Variants in CLCN4 observed in about 807,000 individuals in gnomAD.
The protein encoded by CLCN4 is Cl-/H+ antiporter 4, also known as H(+)/Cl(-) exchange transporter 4.
A neutral mutation model predicts 41.7 loss-of-function variants in CLCN4; 1 was observed. That is an observed-to-expected ratio of 0.02 (90% CI 0.01 to 0.11). CLCN4 has a LOEUF of 0.11. CLCN4 is among the 10% of genes least tolerant of loss of function. CLCN4 has a pLI of 1.00. For missense variants in CLCN4, 287 were observed against 661.0 expected, an observed-to-expected ratio of 0.43 and a Z score of 6.20; for synonymous variants, 277 against 285.8, an observed-to-expected ratio of 0.97 and a Z score of 0.31.
At chrX:10,164,640 A>G (rs182794190) in intron 2 of CLCN4, among the ~76,000 whole-genome samples, 29 of 111,683 alleles carry the variant, frequency 2.6e-4, no homozygotes, top group Middle Eastern at 4.6e-3. Flanking sequence ...CTTTAGCAGC[A>G]ATGTTGTCCT....
chrX:10,210,534 A>G (rs1315250847), intron 9 of CLCN4, among the ~76,000 whole-genome samples: 3 of 111,169 alleles, frequency 2.7e-5, no homozygotes, highest in African/African-American at 9.8e-5. Flanking sequence ...ATAGAGACCA[A>G]GCTCCCTATG....
At chrX:10,202,638 CAAAAAAAAAAAA>C (rs759089094) in intron 6 of CLCN4, among the ~76,000 whole-genome samples, 14 of 19,645 alleles carry the variant, frequency 7.1e-4, no homozygotes, top group Middle Eastern at 0.043. Flanking sequence ...GACCCTGCCT[CAAAAAAAAAAAA>C]AAAAAAAAAA....
intron 11 of CLCN4, among the ~76,000 whole-genome samples, chrX:10,214,294 C>A (rs989681295): frequency 1.8e-5 from 2 of 112,569 alleles, no homozygotes; most frequent in African/African-American, 6.5e-5. Context: ...ACAAGTTCCC[C>A]ATTAACGCCG....
rs905424858 is a variant in CLCN4, at chrX:10,181,067, G to A, written c.-11-3955G>A. The stretch of plus-strand genomic sequence containing the variant: ...AGACCCCAGTACCAGGATAGATAAA[G>A]ATATGATGGGCTGCGTGCAGTGGCT... On this transcript the variant is annotated intron_variant, in intron 2 of 12. Transcript: ENST00000380833. Among the ~76,000 whole-genome samples, 5 of 110,698 alleles carry A rather than the reference G, an allele frequency of 4.5e-5. No individual in the cohort carries two copies. The East Asian group carries it at 1.4e-3, about 32-fold the overall frequency.
At chrX:10,216,374 G>A (rs190590639) in intron 11 of CLCN4, among the ~76,000 whole-genome samples, 174 of 111,692 alleles carry the variant, frequency 1.6e-3, no homozygotes, top group Non-Finnish European at 2.7e-3. Context: ...CTAGCACACG[G>A]GGCTGTATGC....
intron 12 of CLCN4, among the ~76,000 whole-genome samples, chrX:10,225,332 A>G (rs1237663491): frequency 8.9e-6 from 1 of 112,111 alleles, no homozygotes; most frequent in Non-Finnish European, 1.9e-5. Flanking sequence ...TTTGATTTGC[A>G]TTTCCCTAAT....
intron 2 of CLCN4, among the ~76,000 whole-genome samples, chrX:10,163,411 TTTC>T (rs765112070): frequency 0.012 from 873 of 70,914 alleles, 8 homozygotes; most frequent in African/African-American, 0.049. Context: ...TTTCATTTCT[TTTC>T]TTTTTTTTTT....
Position 10,214,209 on chromosome X carries a change from G to T in CLCN4, c.1975+130G>T, listed in dbSNP as rs185392556. On this transcript the variant is annotated intron_variant, in intron 11 of 12. Coordinates refer to ENST00000380833, the MANE Select transcript of CLCN4 (RefSeq NM_001830.4). ...GCTCTCAAGCTTTCACATGTCTCTG[G>T]GTCACCCAGGGGTCTGGCTCAAAAG... The T allele has an allele frequency of 2.9e-5, 20 of 699,296 alleles. No individual in the cohort carries two copies. The African/African-American group carries it at 4.2e-4, about 15-fold the overall frequency. 57.6% of individuals were successfully genotyped at this position (699,296 alleles called of 1,213,427 possible). A position where few individuals can be genotyped will look rare whatever the true frequency, so the allele number is the denominator to read the frequency against.
chrX:10,210,569 T>TGA (rs927542874), intron 9 of CLCN4, among the ~76,000 whole-genome samples: 2 of 110,637 alleles, frequency 1.8e-5, no homozygotes, highest in Non-Finnish European at 3.8e-5. Context: ...CTTAAACCCC[T>TGA]GAGCTCCAGT....
intron 4 of CLCN4, among the ~76,000 whole-genome samples, chrX:10,192,252 C>A (rs1372903997): frequency 9.2e-6 from 1 of 109,271 alleles, no homozygotes; most frequent in Non-Finnish European, 1.9e-5. Flanking sequence ...AGTACACACA[C>A]ACACACACAC....
chrX:10,190,306 C>T (rs749040733), intron 4 of CLCN4, among the ~76,000 whole-genome samples: 2 of 111,880 alleles, frequency 1.8e-5, no homozygotes, highest in Admixed American at 9.5e-5. Context: ...ATTAAAATAA[C>T]GGCATGATCG....
At chrX:10,224,891 C>A (rs954882646) in intron 12 of CLCN4, among the ~76,000 whole-genome samples, 2 of 111,941 alleles carry the variant, frequency 1.8e-5, no homozygotes, top group Non-Finnish European at 3.8e-5. Flanking sequence ...TGGCTTCCAG[C>A]TCCATCCATG....
chrX:10,226,393 CA>C (rs1924990527), intron 12 of CLCN4, among the ~76,000 whole-genome samples: 1 of 111,492 alleles, frequency 9.0e-6, no homozygotes, highest in African/African-American at 3.3e-5. Flanking sequence ...ACAGCTACAG[CA>C]GTGTTAAGAG....
chrX:10,202,536 G>T (rs549573285), intron 6 of CLCN4, among the ~76,000 whole-genome samples: 1 of 105,155 alleles, frequency 9.5e-6, no homozygotes, highest in African/African-American at 3.5e-5. Flanking sequence ...CTACTCTGGG[G>T]ACTGAGGTGA....
At chrX:10,210,031 A>G (rs1329995947) in intron 9 of CLCN4, among the ~76,000 whole-genome samples, 1 of 111,630 alleles carries the variant, frequency 9.0e-6, no homozygotes, top group Non-Finnish European at 1.9e-5. Flanking sequence ...AGCCCCGGCA[A>G]CCACTAATCT....
At chrX:10,168,015 C>T (rs1308148271) in intron 2 of CLCN4, among the ~76,000 whole-genome samples, 2 of 112,176 alleles carry the variant, frequency 1.8e-5, no homozygotes, top group East Asian at 5.6e-4. Context: ...CATATTTGTT[C>T]ATGGTATTTT....
At chrX:10,211,462 A>G (rs946952252) in intron 9 of CLCN4, among the ~76,000 whole-genome samples, 1 of 110,943 alleles carries the variant, frequency 9.0e-6, no homozygotes, top group Non-Finnish European at 1.9e-5. Context: ...TGCTGGTAAC[A>G]TTTTATGATG....
chrX:10,173,317 C>G lies in CLCN4; in HGVS notation c.-11-11705C>G, dbSNP rs780703309. 4.5e-5 allele frequency among the ~76,000 whole-genome samples: 5 copies of G among 111,551 alleles called. 1 individual carries two copies. In the East Asian group the frequency reaches 1.4e-3, roughly 31 times the overall value. On this transcript the variant is annotated intron_variant, in intron 2 of 12. Transcript: ENST00000380833. ...ATGCATGGCTCATCCAAGTCGGAGT[C>G]AGATCTCACCCGAGGCCGCACATTG...
At chrX:10,173,904 C>T (rs1019102675) in intron 2 of CLCN4, among the ~76,000 whole-genome samples, 4 of 112,331 alleles carry the variant, frequency 3.6e-5, no homozygotes, top group African/African-American at 1.3e-4. Context: ...TGTTTTCTAG[C>T]TGTCTCAACT....
Sources: gnomAD v4.1 joint callset for allele counts (sites outside exome capture counted in the v4.1 genomes callset) on GRCh38, gnomAD v4.1.1 for gene constraint, MANE v1.5 for transcripts, NCBI Gene and HGNC (gene_info 2026-07-23, HGNC 2026-07-21) for gene names.